The following ASMT variants were observed in gnomAD, a reference collection of about 807,000 sequenced individuals.
ASMT encodes acetylserotonin O-methyltransferase, also known as acetylserotonin N-methyltransferase.
A neutral mutation model predicts 41.3 loss-of-function variants in ASMT; 53 were observed. The ratio of observed to expected loss-of-function variants is 1.28; its 90% confidence interval spans 1.03 to 1.61. The LOEUF (loss-of-function observed/expected upper bound fraction) is 1.61. Ranked by LOEUF, ASMT falls within the 40% of genes most tolerant of loss-of-function variation. ASMT has a pLI of 0.00. For missense variants in ASMT, 531 were observed against 441.3 expected, an observed-to-expected ratio of 1.20 and a Z score of -1.82; for synonymous variants, 231 against 184.8, an observed-to-expected ratio of 1.25 and a Z score of -2.03.
intron 5 of ASMT, among the ~76,000 whole-genome samples, chrX:1,631,446 C>T (rs1205656830): frequency 6.6e-6 from 1 of 152,056 alleles, no homozygotes; most frequent in Non-Finnish European, 1.5e-5. Flanking sequence ...AGGCCGTGAT[C>T]CACCCACCCT....
At chrX:1,631,166 C>T (rs184385794) in intron 5 of ASMT, among the ~76,000 whole-genome samples, 5,573 of 151,138 alleles carry the variant, frequency 0.037, 120 homozygotes, top group African/African-American at 0.12. Context: ...CACCCGCCTC[C>T]GCCTCCCAAA....
rs1432207166 is a variant in ASMT at position 1,637,021 on chromosome X, C to G, written c.910+461C>G. On this transcript the variant is annotated intron_variant, in intron 8 of 8. Coordinates refer to ENST00000381241, the MANE Select transcript of ASMT (RefSeq NM_001171038.2). ...GTGTGTGATGGGGACAGTGTCCCAGCTCTCCTGTGAGGTCCATCCATCCTG... is the reference window on the plus strand; with the variant it reads ...GTGTGTGATGGGGACAGTGTCCCAGGTCTCCTGTGAGGTCCATCCATCCTG... Among the ~76,000 whole-genome samples the G allele has an allele frequency of 3.9e-5, 2 of 51,918 alleles. 1 individual carries two copies. Among genetic ancestry groups the G allele is most frequent in the Admixed American group, 4.1e-4 (2 of 4,826 alleles). 34.1% of individuals were successfully genotyped at this position (51,918 alleles called of 152,430 possible). A position where few individuals can be genotyped will look rare whatever the true frequency, so the allele number is the denominator to read the frequency against.
Position 1,616,280 on chromosome X carries a change from C to T in ASMT, c.69+1012C>T, listed in dbSNP as rs753182789. Among the ~76,000 whole-genome samples the T allele has an allele frequency of 1.2e-4, 18 of 151,490 alleles. No individual in the cohort carries two copies. The South Asian group carries it at 3.5e-3, about 30-fold the overall frequency. On this transcript the variant is annotated intron_variant, in intron 1 of 8. Coordinates refer to ENST00000381241, the MANE Select transcript of ASMT (RefSeq NM_001171038.2). ...CTGACCTCAAGTGATTCACCTGCCT[C>T]GGCCTCCCAAGGCCTCATTTCTTCT...
intron 3 of ASMT, among the ~76,000 whole-genome samples, chrX:1,626,623 C>G (rs1190982832): frequency 6.6e-6 from 1 of 152,150 alleles, no homozygotes; most frequent in Non-Finnish European, 1.5e-5. Flanking sequence ...TAAAACCCAT[C>G]TCACGAGACT....
chrX:1,625,506 A>C (rs1450950643), intron 3 of ASMT, among the ~76,000 whole-genome samples: 1 of 119,502 alleles, frequency 8.4e-6, no homozygotes, highest in African/African-American at 3.0e-5. Flanking sequence ...GAAAGAAGGA[A>C]ACAGAAAGAG....
In ASMT at chrX:1,629,864, G is replaced by T. The variant is rs1192055064; in HGVS notation, c.487G>T (p.Val163Phe). The T allele has an allele frequency of 6.2e-7, 1 of 1,613,976 alleles. No individual in the cohort carries two copies. The highest frequency in any genetic ancestry group is 1.1e-5 in the South Asian group (1 of 91,074). The change falls in exon 5 of 9, where the codon GTC becomes TTC. Residue 163 changes from valine to phenylalanine, a missense_variant. Coordinates refer to ENST00000381241, the MANE Select transcript of ASMT (RefSeq NM_001171038.2). ...ACAGTTCATGCAAGCTCTGCAGGAGGTCTGGAGCGTCAACGGGAGAAGCGT... is the reference window on the plus strand; with the variant it reads ...ACAGTTCATGCAAGCTCTGCAGGAGTTCTGGAGCGTCAACGGGAGAAGCGT... ...RLQFMQALQE[V>F]WSVNGRSVLT...
intron 8 of ASMT, among the ~76,000 whole-genome samples, chrX:1,641,463 GCTCTCC>G (rs1935158487): frequency 2.1e-5 from 3 of 141,996 alleles, no homozygotes; most frequent in Admixed American, 7.2e-5. Flanking sequence ...CAGTGTCCCA[GCTCTCC>G]TGTGAGGTCC....
At chrX:1,642,471 C>T (rs1212679886) in intron 8 of ASMT, among the ~76,000 whole-genome samples, 2 of 148,216 alleles carry the variant, frequency 1.3e-5, no homozygotes, top group Non-Finnish European at 3.0e-5. Flanking sequence ...AGAGGTCCAT[C>T]GATCCTGATG....
At chrX:1,631,456 T>A (rs1217833801) in intron 5 of ASMT, among the ~76,000 whole-genome samples, 7 of 152,090 alleles carry the variant, frequency 4.6e-5, no homozygotes, top group Non-Finnish European at 1.0e-4. Context: ...CCACCCACCC[T>A]ATCTCCCTCC....
At chrX:1,636,648 A>G in intron 8 of ASMT, 88 bp downstream of exon 8, 1 of 1,604,352 alleles carries the variant, frequency 6.2e-7, no homozygotes, top group Non-Finnish European at 8.5e-7. Flanking sequence ...CACTGAAATC[A>G]TCCCACAGGT....
At chrX:1,615,442 C>T (rs1934047504) in intron 1 of ASMT, 174 bp downstream of exon 1, 4 of 202,584 alleles carry the variant, frequency 2.0e-5, no homozygotes, top group Non-Finnish European at 3.5e-5. Context: ...GGACATGTGC[C>T]CAGGGTGGTC....
intron 3 of ASMT, among the ~76,000 whole-genome samples, chrX:1,626,831 C>T (rs1270759685): frequency 6.6e-6 from 1 of 150,462 alleles, no homozygotes; most frequent in Non-Finnish European, 1.5e-5. Flanking sequence ...AGTTCGAGAC[C>T]AGCCTGACCA....
At chrX:1,633,032 C>T (rs1229401618) in intron 6 of ASMT, 118 bp from the exon 7 acceptor site, 2 of 1,146,862 alleles carry the variant, frequency 1.7e-6, no homozygotes, top group Admixed American at 1.7e-5. Flanking sequence ...AAAGACCAGA[C>T]ATGGCGGAAG....
At chrX:1,619,082 C>T (rs577854851) in intron 1 of ASMT, among the ~76,000 whole-genome samples, 9 of 152,156 alleles carry the variant, frequency 5.9e-5, no homozygotes, top group East Asian at 3.9e-4. Flanking sequence ...GAGTGAATAT[C>T]GCCTTAAGAA....
chrX:1,633,037 C>A, intron 6 of ASMT, 113 bp from the exon 7 acceptor site: 1 of 1,233,324 alleles, frequency 8.1e-7, no homozygotes, highest in Non-Finnish European at 1.2e-6. Flanking sequence ...CCAGACATGG[C>A]GGAAGGACCC....
chrX:1,624,467 G>C, intron 3 of ASMT, 69 bp downstream of exon 3: 1 of 1,475,858 alleles, frequency 6.8e-7, no homozygotes, highest in Non-Finnish European at 9.3e-7. Context: ...GGAGGTGGGG[G>C]CTGCCCCCAG....
chrX:1,641,549 C>CG (rs1935166609), intron 8 of ASMT, among the ~76,000 whole-genome samples: 1 of 139,378 alleles, frequency 7.2e-6, no homozygotes, highest in Non-Finnish European at 1.5e-5. Flanking sequence ...TGTCCCAGTT[C>CG]TCCTGTGAGG....
chrX:1,616,747 C>G (rs1333898861), intron 1 of ASMT, among the ~76,000 whole-genome samples: 152 of 150,130 alleles, frequency 1.0e-3, no homozygotes, highest in African/African-American at 3.1e-3. Flanking sequence ...CTCGCTCTGT[C>G]GCCCAGGCTG....
intron 6 of ASMT, 62 bp downstream of exon 6, chrX:1,632,849 G>T: frequency 2.0e-6 from 1 of 508,278 alleles, no homozygotes; most frequent in Non-Finnish European, 3.6e-6. Context: ...ACTGGGGCCT[G>T]TCAGGGCCTG....
Sources: gnomAD v4.1 joint callset for allele counts (sites outside exome capture counted in the v4.1 genomes callset) on GRCh38, gnomAD v4.1.1 for gene constraint, MANE v1.5 for transcripts, NCBI Gene and HGNC (gene_info 2026-07-23, HGNC 2026-07-21) for gene names.